AMN1: variants seen among roughly 807,000 people sequenced by gnomAD.
AMN1 encodes antagonist of mitotic exit network 1 homolog, also known as protein AMN1 homolog.
AMN1 carries 20 observed loss-of-function variants against 33.0 expected under a neutral mutation model. That is an observed-to-expected ratio of 0.61 (90% CI 0.43 to 0.88). AMN1 has a LOEUF of 0.88. AMN1 is among the 40% of genes least tolerant of loss of function. AMN1 has a pLI of 0.00. For synonymous variants in AMN1, 114 were observed against 111.9 expected (o/e 1.02, Z -0.12); for missense variants, 246 against 307.4 (o/e 0.80, Z 1.49).
At chr12:31,694,969 A>T (rs183936746) in intron 5 of AMN1, among the ~76,000 whole-genome samples, 3 of 152,202 alleles carry the variant, frequency 2.0e-5, no homozygotes, top group African/African-American at 7.2e-5. Context: ...CAATTTTTTT[A>T]AAAAGTATAT....
At chr12:31,728,190 T>C (rs890211645) in intron 1 of AMN1, among the ~76,000 whole-genome samples, 6 of 152,220 alleles carry the variant, frequency 3.9e-5, no homozygotes, top group African/African-American at 1.4e-4. Context: ...ATTGTTCTCC[T>C]TATCCTTAAG....
At chr12:31,682,404 G>A (rs934702232) in intron 6 of AMN1, among the ~76,000 whole-genome samples, 3 of 151,614 alleles carry the variant, frequency 2.0e-5, no homozygotes, top group Non-Finnish European at 2.9e-5. Flanking sequence ...CAAAGGCAGC[G>A]ACAGTGTAGG....
intron 6 of AMN1, among the ~76,000 whole-genome samples, chr12:31,678,553 C>G (rs1308087325): frequency 6.6e-6 from 1 of 152,052 alleles, no homozygotes; most frequent in East Asian, 1.9e-4. Context: ...CCCACCACCA[C>G]ACCCGGCTAA....
At chr12:31,721,953 A>G (rs764133915) in intron 1 of AMN1, among the ~76,000 whole-genome samples, 1 of 152,170 alleles carries the variant, frequency 6.6e-6, no homozygotes, top group Non-Finnish European at 1.5e-5. Flanking sequence ...ACATAGCAAC[A>G]TTATCTGCCA....
At chr12:31,684,372 G>A (rs971137171) in intron 6 of AMN1, among the ~76,000 whole-genome samples, 2 of 151,750 alleles carry the variant, frequency 1.3e-5, no homozygotes, top group Admixed American at 6.6e-5. Flanking sequence ...ATAGATTTAC[G>A]ATTTTTAAAA....
chr12:31,672,468 TAC>T (rs1951299173), intron 6 of AMN1, 91 bp from the exon 7 acceptor site: 1 of 903,592 alleles, frequency 1.1e-6, no homozygotes. Context: ...TTAATTATTA[TAC>T]AGTTATTTAA....
At chr12:31,682,456 A>T (rs191599111) in intron 6 of AMN1, among the ~76,000 whole-genome samples, 156 of 124,472 alleles carry the variant, frequency 1.3e-3, no homozygotes, top group African/African-American at 4.4e-3. Flanking sequence ...GAATTCCTGG[A>T]GGACTAGAGA....
chr12:31,706,747 C>G (rs1939258544), intron 2 of AMN1, among the ~76,000 whole-genome samples: 1 of 152,142 alleles, frequency 6.6e-6, no homozygotes, highest in African/African-American at 2.4e-5. Context: ...TCACTCCAGC[C>G]CCTCTCCAGG....
At chr12:31,694,810 G>A (rs749766363) in intron 5 of AMN1, among the ~76,000 whole-genome samples, 3 of 151,982 alleles carry the variant, frequency 2.0e-5, no homozygotes, top group Non-Finnish European at 4.4e-5. Context: ...AAAGGTTAAA[G>A]TATATTCACT....
intron 2 of AMN1, among the ~76,000 whole-genome samples, chr12:31,707,078 G>C (rs1312092090): frequency 6.6e-6 from 1 of 152,130 alleles, no homozygotes; most frequent in African/African-American, 2.4e-5. Flanking sequence ...AAAAAGAACA[G>C]TATAGATGAG....
chr12:31,699,395 C>CAAAAA (rs34860207), intron 3 of AMN1, among the ~76,000 whole-genome samples: 557 of 36,802 alleles, frequency 0.015, 88 homozygotes, highest in Middle Eastern at 0.023. Context: ...GACTCTGTCT[C>CAAAAA]AAAAAAAAAA....
chr12:31,715,924 T>C (rs1031783501), intron 1 of AMN1: 1 of 152,270 alleles, frequency 6.6e-6, no homozygotes, highest in Non-Finnish European at 1.5e-5. Context: ...TTAAGTTTCC[T>C]AACGTGACTA....
chr12:31,710,848 T>A (rs1939438567), intron 1 of AMN1, among the ~76,000 whole-genome samples: 1 of 152,206 alleles, frequency 6.6e-6, no homozygotes, highest in Non-Finnish European at 1.5e-5. Context: ...CACTTCATAT[T>A]TCTATTAGTA....
chr12:31,676,557 C>T (rs560352987), intron 6 of AMN1, among the ~76,000 whole-genome samples: 6 of 150,046 alleles, frequency 4.0e-5, no homozygotes, highest in Non-Finnish European at 8.9e-5. Context: ...CTCCTGACCT[C>T]GTGATCTGCC....
intron 1 of AMN1, among the ~76,000 whole-genome samples, chr12:31,726,331 T>C (rs1940068341): frequency 6.6e-6 from 1 of 151,954 alleles, no homozygotes; most frequent in South Asian, 2.1e-4. Context: ...CCGGCTAATT[T>C]TGTATTTTTA....
intron 6 of AMN1, among the ~76,000 whole-genome samples, chr12:31,677,143 C>CA (rs1937754580): frequency 1.3e-5 from 2 of 151,922 alleles, no homozygotes; most frequent in Non-Finnish European, 2.9e-5. Context: ...CTAAAAAATA[C>CA]AAAAAAATTA....
At chr12:31,696,185 T>C (rs932757452) in intron 5 of AMN1, among the ~76,000 whole-genome samples, 42 of 151,846 alleles carry the variant, frequency 2.8e-4, no homozygotes, top group African/African-American at 1.0e-3. Context: ...TGCAGTGAGC[T>C]GAGATCACAC....
chr12:31,713,834 C>A (rs1409431445), intron 1 of AMN1, among the ~76,000 whole-genome samples: 1 of 151,658 alleles, frequency 6.6e-6, no homozygotes, highest in Admixed American at 6.6e-5. Context: ...GGTGAGAGAG[C>A]TAGACCTTGT....
At chr12:31,702,771 CTT>C (rs376710396) in intron 2 of AMN1, among the ~76,000 whole-genome samples, 267 of 152,182 alleles carry the variant, frequency 1.8e-3, no homozygotes, top group African/African-American at 5.5e-3. Context: ...GAATTTCACT[CTT>C]GTTGCCCAGG....
Sources: allele counts gnomAD v4.1 joint callset (sites outside exome capture counted in the v4.1 genomes callset), GRCh38; gene constraint gnomAD v4.1.1; transcripts MANE v1.5; gene names NCBI Gene and HGNC (gene_info 2026-07-23, HGNC 2026-07-21).